Variants in STK32B observed in about 807,000 individuals in gnomAD.
STK32B encodes serine/threonine kinase 32B.
A neutral mutation model predicts 52.6 loss-of-function variants in STK32B; 43 were observed. The ratio of observed to expected loss-of-function variants is 0.82; its 90% confidence interval spans 0.64 to 1.05. The LOEUF is 1.05. Ranked by LOEUF, STK32B falls within the 50% of genes least tolerant of loss-of-function variation. STK32B has a pLI of 0.00. For synonymous variants in STK32B, 238 were observed against 204.3 expected (o/e 1.17, Z -1.41); for missense variants, 621 against 534.6 (o/e 1.16, Z -1.59).
intron 3 of STK32B, among the ~76,000 whole-genome samples, chr4:5,199,487 A>G (rs1216362480): frequency 2.7e-5 from 4 of 150,048 alleles, no homozygotes; most frequent in Admixed American, 2.6e-4. Context: ...AGCTTTGTGA[A>G]TGCTGTTTTT....
chr4:5,479,367 C>T (rs983862847), intron 11 of STK32B, among the ~76,000 whole-genome samples: 2 of 152,122 alleles, frequency 1.3e-5, no homozygotes, highest in Non-Finnish European at 2.9e-5. Flanking sequence ...GATCCACCCA[C>T]CTCACCCTCC....
intron 3 of STK32B, among the ~76,000 whole-genome samples, chr4:5,319,924 C>G (rs1362850108): frequency 2.0e-5 from 3 of 152,130 alleles, no homozygotes; most frequent in African/African-American, 7.2e-5. Context: ...CCCCACTTAG[C>G]CATGTCTTAT....
intron 11 of STK32B, among the ~76,000 whole-genome samples, chr4:5,485,587 TGTCAAA>T (rs1305128183): frequency 1.3e-5 from 2 of 152,186 alleles, no homozygotes; most frequent in African/African-American, 4.8e-5. Flanking sequence ...TCTCTCAACT[TGTCAAA>T]GTCATTCTCC....
chr4:5,371,020 ATG>A (rs1270805422), intron 4 of STK32B, among the ~76,000 whole-genome samples: 3 of 147,860 alleles, frequency 2.0e-5, no homozygotes, highest in East Asian at 2.0e-4. Flanking sequence ...ATGTATATAT[ATG>A]TGTATATATA....
At chr4:5,036,448 C>G in the STK32B span, among the ~76,000 whole-genome samples, 1 of 152,248 alleles carries the variant, frequency 6.6e-6, no homozygotes, top group Admixed American at 6.5e-5. Flanking sequence ...AAAATAAACT[C>G]CACATTGCAG....
chr4:5,361,296 C>A (rs1445214596), intron 4 of STK32B, among the ~76,000 whole-genome samples: 1 of 152,216 alleles, frequency 6.6e-6, no homozygotes, highest in African/African-American at 2.4e-5. Flanking sequence ...ACAGATATCT[C>A]TTTGACACCC....
chr4:5,284,929 A>G (rs1458804036), intron 3 of STK32B, among the ~76,000 whole-genome samples: 1 of 152,210 alleles, frequency 6.6e-6, no homozygotes, highest in Non-Finnish European at 1.5e-5. Flanking sequence ...AAACAGAAAA[A>G]TCATGACATT....
chr4:5,430,879 T>C (rs960846414), intron 6 of STK32B, among the ~76,000 whole-genome samples: 3 of 152,246 alleles, frequency 2.0e-5, no homozygotes, highest in African/African-American at 7.2e-5. Flanking sequence ...TCTGTGAATC[T>C]GTGCCTTAAA....
chr4:5,034,032 C>T, the STK32B span, among the ~76,000 whole-genome samples: 65 of 152,232 alleles, frequency 4.3e-4, no homozygotes, highest in Non-Finnish European at 6.6e-4. Context: ...AATTCTGTAA[C>T]GGACACTTTA....
Position 5,269,348 on chromosome 4 carries a change from T to C in STK32B, c.261-61872T>C, listed in dbSNP as rs116161358. Among the ~76,000 whole-genome samples the C allele has an allele frequency of 2.6e-3, 401 of 152,276 alleles. 1 individual carries two copies. The highest frequency in any genetic ancestry group is 0.01 in the Middle Eastern group (3 of 294). The stretch of plus-strand genomic sequence containing the variant: ...CTCAGGAATGGGGGGTACTAAGCTT[T>C]AGATTAAGTATTACTCCTGCAGTCC... On this transcript the variant is annotated intron_variant, in intron 3 of 11. Transcript: ENST00000282908.
intron 4 of STK32B, among the ~76,000 whole-genome samples, chr4:5,336,512 C>T (rs1732707245): frequency 6.6e-6 from 1 of 151,930 alleles, no homozygotes; most frequent in Non-Finnish European, 1.5e-5. Flanking sequence ...TCAGTATGTT[C>T]AGACGATAAA....
At chr4:5,302,782 G>A (rs915825650) in intron 3 of STK32B, among the ~76,000 whole-genome samples, 1 of 151,282 alleles carries the variant, frequency 6.6e-6, no homozygotes, top group Non-Finnish European at 1.5e-5. Context: ...AGCCCCCGAA[G>A]TCCATTGTAT....
intron 3 of STK32B, among the ~76,000 whole-genome samples, chr4:5,176,411 C>A (rs1719901111): frequency 6.7e-6 from 1 of 148,430 alleles, no homozygotes; most frequent in African/African-American, 2.5e-5. Context: ...GAGCTGTAGA[C>A]TGGAGCTGTT....
intron 3 of STK32B, among the ~76,000 whole-genome samples, chr4:5,279,446 GC>G (rs75806905): frequency 0.13 from 20,437 of 152,240 alleles, 3,140 homozygotes; most frequent in African/African-American, 0.37. Flanking sequence ...GTTTTGAGCA[GC>G]CTCTGGCTCT....
intron 11 of STK32B, among the ~76,000 whole-genome samples, chr4:5,472,541 C>G (rs1386718854): frequency 7.2e-5 from 11 of 152,178 alleles, no homozygotes; most frequent in African/African-American, 2.4e-4. Context: ...GGGGCCCATC[C>G]TCCTATTCTT....
chr4:5,031,309 C>T, the STK32B span, among the ~76,000 whole-genome samples: 1 of 152,214 alleles, frequency 6.6e-6, no homozygotes, highest in Non-Finnish European at 1.5e-5. Flanking sequence ...TTAACCATCA[C>T]ACTGTCGGAC....
chr4:5,461,921 A>T (rs1466770688), intron 9 of STK32B, among the ~76,000 whole-genome samples: 3 of 152,152 alleles, frequency 2.0e-5, no homozygotes, highest in African/African-American at 7.2e-5. Flanking sequence ...CTGGCTCTTC[A>T]GACACCCCTC....
chr4:5,237,554 G>A (rs186006822), intron 3 of STK32B, among the ~76,000 whole-genome samples: 1 of 152,162 alleles, frequency 6.6e-6, no homozygotes, highest in Admixed American at 6.5e-5. Flanking sequence ...TCTGAGTCTT[G>A]ATCAGAAATA....
intron 1 of STK32B, among the ~76,000 whole-genome samples, chr4:5,090,419 A>G (rs1167888349): frequency 7.9e-6 from 1 of 126,312 alleles, no homozygotes; most frequent in Non-Finnish European, 1.6e-5. Context: ...TCTGTCACCC[A>G]GGCTAGAGTG....
Sources: allele counts gnomAD v4.1 joint callset (sites outside exome capture counted in the v4.1 genomes callset), GRCh38; gene constraint gnomAD v4.1.1; transcripts MANE v1.5; gene names NCBI Gene and HGNC (gene_info 2026-07-23, HGNC 2026-07-21).